Variants in LDB2 observed in about 807,000 individuals in gnomAD.
LDB2 encodes the protein LIM domain-binding protein 2.
LDB2 carries 12 observed loss-of-function variants against 44.3 expected under a neutral mutation model. The observed-to-expected ratio is 0.27, with a 90% CI of 0.17 to 0.44. The LOEUF (loss-of-function observed/expected upper bound fraction) is 0.44, where lower values mean the gene tolerates loss of function less well. Among genes scored for constraint, LDB2 ranks in the 20% least tolerant of loss-of-function variants. The pLI is 1.00. For synonymous variants in LDB2, 164 were observed against 174.8 expected (o/e 0.94, Z 0.49); for missense variants, 344 against 473.5 (o/e 0.73, Z 2.54).
chr4:16,585,152 G>A (rs972479046), intron 5 of LDB2, among the ~76,000 whole-genome samples: 35 of 152,270 alleles, frequency 2.3e-4, no homozygotes, highest in South Asian at 8.3e-4. Flanking sequence ...CAGTTGCTCC[G>A]CAAGAGAGCC....
At chr4:16,715,674 G>T (rs1756926326) in intron 2 of LDB2, among the ~76,000 whole-genome samples, 1 of 152,092 alleles carries the variant, frequency 6.6e-6, no homozygotes, top group Non-Finnish European at 1.5e-5. Context: ...ATGGATTCCA[G>T]CCATCTGCTT....
chr4:16,751,711 G>C (rs1765526442), intron 2 of LDB2, among the ~76,000 whole-genome samples: 1 of 152,208 alleles, frequency 6.6e-6, no homozygotes, highest in Non-Finnish European at 1.5e-5. Flanking sequence ...GTGATGAACT[G>C]TCTTTCTCCC....
At chr4:16,898,299 T>C in intron 1 of LDB2, 55 bp downstream of exon 1, 1 of 1,559,390 alleles carries the variant, frequency 6.4e-7, no homozygotes, top group Non-Finnish European at 8.8e-7. Flanking sequence ...TAGGAAAAGC[T>C]CATGCATAGC....
chr4:16,556,405 T>C (rs1739612202), intron 5 of LDB2, among the ~76,000 whole-genome samples: 1 of 152,190 alleles, frequency 6.6e-6, no homozygotes, highest in South Asian at 2.1e-4. Context: ...GCAATACATC[T>C]TCCTTTTTAG....
chr4:16,786,418 C>T (rs1315562478), intron 1 of LDB2, among the ~76,000 whole-genome samples: 1 of 152,238 alleles, frequency 6.6e-6, no homozygotes, highest in African/African-American at 2.4e-5. Context: ...GTTGTGCTCA[C>T]TGCTGCAGCC....
At chr4:16,593,008 T>C (rs765033043) in intron 3 of LDB2, among the ~76,000 whole-genome samples, 2 of 152,230 alleles carry the variant, frequency 1.3e-5, no homozygotes, top group Non-Finnish European at 2.9e-5. Flanking sequence ...ATGTGTGTTT[T>C]AAAATTCTAA....
chr4:16,761,962 G>A (rs1768020459), intron 1 of LDB2, among the ~76,000 whole-genome samples: 1 of 152,046 alleles, frequency 6.6e-6, no homozygotes, highest in African/African-American at 2.4e-5. Context: ...TGACCAACAT[G>A]GTGAAACCCA....
At chr4:16,795,710 G>T (rs1776606812) in intron 1 of LDB2, among the ~76,000 whole-genome samples, 1 of 152,064 alleles carries the variant, frequency 6.6e-6, no homozygotes. Flanking sequence ...TCTTTCACTA[G>T]ACTCCGAATC....
intron 1 of LDB2, among the ~76,000 whole-genome samples, chr4:16,801,079 T>C (rs1409798474): frequency 1.3e-5 from 2 of 152,218 alleles, no homozygotes; most frequent in Admixed American, 1.3e-4. Context: ...GCTCCCCATC[T>C]TGGTTGGCAA....
At chr4:16,505,120 A>G (rs964174018) in intron 7 of LDB2, among the ~76,000 whole-genome samples, 1 of 152,262 alleles carries the variant, frequency 6.6e-6, no homozygotes, top group Non-Finnish European at 1.5e-5. Flanking sequence ...ATTGAATTAG[A>G]AAACAACAAT....
intron 5 of LDB2, among the ~76,000 whole-genome samples, chr4:16,514,934 G>T (rs936148865): frequency 2.8e-4 from 43 of 151,986 alleles, no homozygotes; most frequent in African/African-American, 9.9e-4. Context: ...CCCACTACAG[G>T]GTATATCCCC....
At position 16,846,030 on chromosome 4, in the gene LDB2, G is replaced by A. The variant is rs1786903310; in HGVS notation, c.132+52324C>T. Among the ~76,000 whole-genome samples the A allele has an allele frequency of 2.0e-5, 3 of 151,548 alleles. 1 individual carries two copies. The highest frequency in any genetic ancestry group is 2.0e-4 in the Admixed American group (3 of 15,240). ...AGGCTGAGGCAGGAGGATGGGATGG[G>A]GTGAACCCGGGAGGCAGAGCTTGCA... On this transcript the variant is annotated intron_variant, in intron 1 of 7. Transcript: ENST00000304523.
At chr4:16,746,980 C>G (rs904796100) in intron 2 of LDB2, among the ~76,000 whole-genome samples, 1 of 152,276 alleles carries the variant, frequency 6.6e-6, no homozygotes, top group South Asian at 2.1e-4. Context: ...CACCAGCTGT[C>G]GGAAGCTGCA....
At chr4:16,692,458 ACCTTG>A (rs1751016375) in intron 2 of LDB2, among the ~76,000 whole-genome samples, 1 of 152,196 alleles carries the variant, frequency 6.6e-6, no homozygotes, top group African/African-American at 2.4e-5. Flanking sequence ...TTCCAACTTC[ACCTTG>A]GAAAGTAGCG....
Position 16,804,403 on chromosome 4 carries a change from T to C in LDB2, c.133-45143A>G, listed in dbSNP as rs551182549. 3.3e-5 allele frequency among the ~76,000 whole-genome samples: 5 copies of C among 152,290 alleles called. No individual in the cohort carries two copies. In the South Asian group the frequency reaches 1.0e-3, roughly 32 times the overall value. ...GGTAAATGAGATGCAAAATGACAAT[T>C]AAGGGGAAATTAACTCTTCTAAATT... On this transcript the variant is annotated intron_variant, in intron 1 of 7. Coordinates refer to ENST00000304523, the MANE Select transcript of LDB2 (RefSeq NM_001290.5).
intron 1 of LDB2, among the ~76,000 whole-genome samples, chr4:16,806,697 T>C (rs1428037936): frequency 6.6e-6 from 1 of 152,196 alleles, no homozygotes; most frequent in Non-Finnish European, 1.5e-5. Context: ...TCAAGAATCT[T>C]CCCCAAATAT....
chr4:16,803,097 C>G (rs375030915), intron 1 of LDB2, among the ~76,000 whole-genome samples: 43 of 152,256 alleles, frequency 2.8e-4, no homozygotes, highest in African/African-American at 1.0e-3. Context: ...ACTGTAAAGA[C>G]CCTCCCTGTT....
At chr4:16,871,621 CTT>C (rs369989468) in intron 1 of LDB2, among the ~76,000 whole-genome samples, 5 of 124,804 alleles carry the variant, frequency 4.0e-5, no homozygotes, top group Non-Finnish European at 3.4e-5. Context: ...ACCACTCTTT[CTT>C]TTTTTTTTTT....
At chr4:16,808,614 G>A (rs1779220942) in intron 1 of LDB2, among the ~76,000 whole-genome samples, 1 of 152,298 alleles carries the variant, frequency 6.6e-6, no homozygotes, top group East Asian at 1.9e-4. Context: ...TGATTTAGCA[G>A]CTTACTTTTC....
Sources: allele counts gnomAD v4.1 joint callset (sites outside exome capture counted in the v4.1 genomes callset), GRCh38; gene constraint gnomAD v4.1.1; transcripts MANE v1.5; gene names NCBI Gene and HGNC (gene_info 2026-07-23, HGNC 2026-07-21).